The following RNLS variants were observed in gnomAD, a reference collection of about 807,000 sequenced individuals.
RNLS encodes the protein renalase.
In RNLS, 39 loss-of-function variants were observed where a neutral mutation model predicts 39.8. The observed-to-expected ratio is 0.98, with a 90% CI of 0.76 to 1.28. RNLS has a LOEUF of 1.28. Ranked by LOEUF, RNLS falls within the 50% of genes most tolerant of loss-of-function variation. RNLS has a pLI of 0.00. For synonymous variants in RNLS, 147 were observed against 150.7 expected, an observed-to-expected ratio of 0.98 and a Z score of 0.18; for missense variants, 410 against 413.3, an observed-to-expected ratio of 0.99 and a Z score of 0.07.
rs115338881 is a variant in RNLS, at chr10:88,511,854, C to T, written c.526+61049G>A. On this transcript the variant is annotated intron_variant, in intron 4 of 6. Coordinates refer to ENST00000331772, the MANE Select transcript of RNLS (RefSeq NM_001031709.3). ...CAAAGTGATAGTCATGCTGTAGATA[C>T]AATTTTGTTTTCTATTTTTTATTGG... 5.5e-3 allele frequency among the ~76,000 whole-genome samples: 835 copies of T among 152,264 alleles called. 7 individuals carry two copies. Among genetic ancestry groups the T allele is most frequent in the African/African-American group, 0.019 (794 of 41,572 alleles).
the RNLS span, among the ~76,000 whole-genome samples, chr10:88,205,292 T>C: frequency 6.6e-6 from 1 of 152,252 alleles, no homozygotes; most frequent in South Asian, 2.1e-4. Flanking sequence ...TGTTTTCTAC[T>C]AAGTAAAATT....
intron 4 of RNLS, among the ~76,000 whole-genome samples, chr10:88,558,887 T>C (rs1314966296): frequency 1.3e-5 from 2 of 152,192 alleles, no homozygotes; most frequent in Admixed American, 6.6e-5. Flanking sequence ...GTTTATAAGT[T>C]TGCAGGCAGC....
At chr10:88,407,593 TC>T (rs1361667415) in intron 4 of RNLS, among the ~76,000 whole-genome samples, 1 of 152,030 alleles carries the variant, frequency 6.6e-6, no homozygotes, top group African/African-American at 2.4e-5. Context: ...CAACTCTAAC[TC>T]CTTCGGTAGG....
At chr10:88,460,982 G>C (rs1476488836) in intron 4 of RNLS, among the ~76,000 whole-genome samples, 1 of 152,100 alleles carries the variant, frequency 6.6e-6, no homozygotes, top group Non-Finnish European at 1.5e-5. Context: ...ACAGATCAAA[G>C]ATCTGGTGAC....
intron 4 of RNLS, among the ~76,000 whole-genome samples, chr10:88,528,174 G>A (rs1847219332): frequency 6.6e-6 from 1 of 151,936 alleles, no homozygotes; most frequent in African/African-American, 2.4e-5. Flanking sequence ...GAATCTAAAA[G>A]CTTCCAGGAA....
rs528210163 is a variant in RNLS, at chr10:88,554,773, G to C, written c.526+18130C>G. 1.1e-4 allele frequency among the ~76,000 whole-genome samples: 16 copies of C among 152,124 alleles called. No homozygotes were observed. In the South Asian group the frequency reaches 1.7e-3, roughly 16 times the overall value. On this transcript the variant is annotated intron_variant, in intron 4 of 6. Coordinates refer to ENST00000331772, the MANE Select transcript of RNLS (RefSeq NM_001031709.3). ...ATTCAAGACCATGACTTCTGTAACT[G>C]TTCAATCTTGCTCCTACATAATCAA... is the stretch of plus-strand genomic sequence containing the variant.
At chr10:88,287,001 C>T (rs1843321002) in intron 6 of RNLS, among the ~76,000 whole-genome samples, 1 of 151,972 alleles carries the variant, frequency 6.6e-6, no homozygotes, top group South Asian at 2.1e-4. Flanking sequence ...GTTGCCCAGG[C>T]TGGTCTTGAA....
At chr10:88,415,655 T>TA (rs1400598618) in intron 4 of RNLS, among the ~76,000 whole-genome samples, 3 of 152,202 alleles carry the variant, frequency 2.0e-5, no homozygotes, top group Non-Finnish European at 4.4e-5. Flanking sequence ...GTGCTAATAA[T>TA]AGTCCCGTCT....
chr10:88,535,912 G>T (rs978438910), intron 4 of RNLS, among the ~76,000 whole-genome samples: 1 of 149,190 alleles, frequency 6.7e-6, no homozygotes, highest in African/African-American at 2.4e-5. Context: ...AAGAAATAAA[G>T]AGAAAGTAGA....
At chr10:88,259,866 C>T in the RNLS span, among the ~76,000 whole-genome samples, 197 of 152,232 alleles carry the variant, frequency 1.3e-3, 1 homozygote, top group South Asian at 0.011. Flanking sequence ...GCCTCAGCCT[C>T]CCAACTCTAG....
chr10:88,496,325 G>A (rs887823694), intron 4 of RNLS, among the ~76,000 whole-genome samples: 6 of 152,090 alleles, frequency 3.9e-5, no homozygotes, highest in South Asian at 2.1e-4. Context: ...GAAAAGAACC[G>A]AAAATTTCCA....
chr10:88,456,633 T>C (rs951797612), intron 4 of RNLS, among the ~76,000 whole-genome samples: 1 of 152,152 alleles, frequency 6.6e-6, no homozygotes, highest in South Asian at 2.1e-4. Context: ...TTATACAGAA[T>C]GGGCAACATA....
the RNLS span, among the ~76,000 whole-genome samples, chr10:88,192,791 ATACTTT>A: frequency 2.0e-5 from 3 of 152,336 alleles, no homozygotes; most frequent in South Asian, 6.2e-4. Context: ...TCTTCTACTT[ATACTTT>A]TAGTATTTAT....
the RNLS span, among the ~76,000 whole-genome samples, chr10:88,197,792 A>G: frequency 6.6e-6 from 1 of 152,172 alleles, no homozygotes; most frequent in African/African-American, 2.4e-5. Context: ...TGCTCTTGCT[A>G]AATTTGCACA....
At chr10:88,187,196 A>AAT in the RNLS span, among the ~76,000 whole-genome samples, 3 of 7,584 alleles carry the variant, frequency 4.0e-4, no homozygotes, top group Non-Finnish European at 5.5e-4. Flanking sequence ...TAATATATAT[A>AAT]ATATATATAT....
At chr10:88,357,498 G>A (rs529528656) in intron 5 of RNLS, among the ~76,000 whole-genome samples, 3 of 152,236 alleles carry the variant, frequency 2.0e-5, no homozygotes, top group Admixed American at 6.5e-5. Flanking sequence ...TGTTGTTCTA[G>A]GTGGCAACTA....
At chr10:88,508,969 G>A (rs1202030783) in intron 4 of RNLS, among the ~76,000 whole-genome samples, 1 of 151,528 alleles carries the variant, frequency 6.6e-6, no homozygotes, top group African/African-American at 2.4e-5. Flanking sequence ...AATCATTTTA[G>A]AATGACTACT....
downstream of RNLS, among the ~76,000 whole-genome samples, chr10:88,280,818 G>C (rs1284656289): frequency 6.6e-6 from 1 of 152,164 alleles, no homozygotes; most frequent in African/African-American, 2.4e-5. Context: ...GCTTTCTATA[G>C]CTTCTTAAAC....
the RNLS span, among the ~76,000 whole-genome samples, chr10:88,244,608 A>G: frequency 1.3e-5 from 2 of 152,218 alleles, no homozygotes; most frequent in Admixed American, 1.3e-4. Context: ...AGGAATATGT[A>G]TAAACCCTGC....
Sources: allele counts gnomAD v4.1 joint callset (sites outside exome capture counted in the v4.1 genomes callset), GRCh38; gene constraint gnomAD v4.1.1; transcripts MANE v1.5; gene names NCBI Gene and HGNC (gene_info 2026-07-23, HGNC 2026-07-21).